ZFHX3: variants seen among roughly 807,000 people sequenced by gnomAD.
ZFHX3 encodes zinc finger homeobox protein 3.
ZFHX3 carries 42 observed loss-of-function variants against 279.1 expected under a neutral mutation model. The ratio of observed to expected loss-of-function variants is 0.15; its 90% confidence interval spans 0.12 to 0.19. ZFHX3 has a LOEUF of 0.19. ZFHX3 is among the 10% of genes least tolerant of loss of function. The probability of loss-of-function intolerance (pLI) is 1.00; values close to 1 mark genes in which losing one functional copy is unlikely to be tolerated. For synonymous variants in ZFHX3, 2,293 were observed against 1,957.8 expected, an observed-to-expected ratio of 1.17 and a Z score of -4.52; for missense variants, 4,981 against 4,754.0, an observed-to-expected ratio of 1.05 and a Z score of -1.40.
At chr16:73,150,945 G>A (rs1421735750) in intron 5 of ZFHX3, among the ~76,000 whole-genome samples, 2 of 152,010 alleles carry the variant, frequency 1.3e-5, no homozygotes, top group East Asian at 3.9e-4. Flanking sequence ...TGTTGAAACC[G>A]GCATCACTCA....
intron 1 of ZFHX3, among the ~76,000 whole-genome samples, chr16:73,858,386 C>T (rs943641345): frequency 1.3e-5 from 2 of 152,192 alleles, no homozygotes; most frequent in African/African-American, 2.4e-5. Context: ...GTCTTAGATG[C>T]TCTGATGACA....
At chr16:73,669,802 G>A (rs896645552) in intron 2 of ZFHX3, among the ~76,000 whole-genome samples, 7 of 152,118 alleles carry the variant, frequency 4.6e-5, no homozygotes, top group Non-Finnish European at 8.8e-5. Flanking sequence ...CAGCATTATT[G>A]GGAAATGTCC....
chr16:73,571,974 G>A (rs970313600), intron 2 of ZFHX3, among the ~76,000 whole-genome samples: 1 of 151,970 alleles, frequency 6.6e-6, no homozygotes, highest in Non-Finnish European at 1.5e-5. Context: ...TTACAAATAA[G>A]CAGCCCAGAA....
chr16:73,414,389 G>C (rs568766753), intron 3 of ZFHX3, among the ~76,000 whole-genome samples: 4 of 152,354 alleles, frequency 2.6e-5, no homozygotes, highest in Admixed American at 6.5e-5. Flanking sequence ...GTTTGTCCCT[G>C]TCTGTAAAGA....
intron 1 of ZFHX3, among the ~76,000 whole-genome samples, chr16:73,775,539 T>C (rs1959224238): frequency 6.6e-6 from 1 of 152,164 alleles, no homozygotes; most frequent in Admixed American, 6.5e-5. Context: ...TTTCCTTCAC[T>C]ACCTGGTTTG....
intron 3 of ZFHX3, among the ~76,000 whole-genome samples, chr16:72,927,922 G>A (rs530650173): frequency 6.6e-6 from 1 of 151,310 alleles, no homozygotes; most frequent in Admixed American, 6.6e-5. Context: ...ATCCACGGAA[G>A]GTGGGGAGGA....
At chr16:73,833,018 G>T (rs1239421051) in intron 1 of ZFHX3, among the ~76,000 whole-genome samples, 1 of 152,162 alleles carries the variant, frequency 6.6e-6, no homozygotes, top group Non-Finnish European at 1.5e-5. Flanking sequence ...AAGTCATCCT[G>T]CCCAAGACTT....
At chr16:73,858,413 C>T (rs1567432309) in intron 1 of ZFHX3, among the ~76,000 whole-genome samples, 2 of 152,266 alleles carry the variant, frequency 1.3e-5, no homozygotes, top group Middle Eastern at 3.4e-3. Context: ...GATTTCCATC[C>T]GTAACAATGG....
rs899412868 is a variant in ZFHX3, at chr16:73,607,384, C to T, written c.-1547+72796G>A. ...CCATGCTGTATATGTACTACATTTT[C>T]TTTATCCAGTCTATCATCACTGGGT... On this transcript the variant is annotated intron_variant, in intron 2 of 17. Transcript: ENST00000641206. Among the ~76,000 whole-genome samples, 4 of 152,288 alleles carry T rather than the reference C, an allele frequency of 2.6e-5. 1 individual carries two copies. The highest frequency in any genetic ancestry group is 2.6e-4 in the Admixed American group (4 of 15,296).
chr16:73,049,707 G>A (rs1194819755), upstream of ZFHX3, among the ~76,000 whole-genome samples: 2 of 152,144 alleles, frequency 1.3e-5, no homozygotes, highest in African/African-American at 2.4e-5. Flanking sequence ...GTGAGAGCAC[G>A]GGGGCCGGGT....
At chr16:73,483,726 A>G (rs1308607049) in intron 2 of ZFHX3, among the ~76,000 whole-genome samples, 1 of 152,110 alleles carries the variant, frequency 6.6e-6, no homozygotes, top group Non-Finnish European at 1.5e-5. Context: ...CAAAGGCTCG[A>G]CACAGTTTCG....
intron 2 of ZFHX3, among the ~76,000 whole-genome samples, chr16:73,632,425 G>T (rs1238045575): frequency 2.0e-5 from 3 of 152,166 alleles, no homozygotes; most frequent in Admixed American, 6.5e-5. Context: ...GCTCACGCCT[G>T]TAATCCCAGC....
At chr16:72,809,726 C>A (rs1466075553) in intron 7 of ZFHX3, 1 of 152,148 alleles carries the variant, frequency 6.6e-6, no homozygotes, top group East Asian at 1.9e-4. Flanking sequence ...GTGACCTGCA[C>A]ATTATAACGT....
intron 3 of ZFHX3, among the ~76,000 whole-genome samples, chr16:73,338,125 A>G (rs1230234205): frequency 6.6e-6 from 1 of 152,194 alleles, no homozygotes; most frequent in Non-Finnish European, 1.5e-5. Flanking sequence ...GATGAGCATC[A>G]GAACGTGCTG....
intron 1 of ZFHX3, among the ~76,000 whole-genome samples, chr16:73,680,945 T>C (rs367739479): frequency 1.3e-5 from 2 of 152,158 alleles, no homozygotes; most frequent in Non-Finnish European, 2.9e-5. Flanking sequence ...AAAGATACTA[T>C]ATGCAAAGCC....
intron 1 of ZFHX3, among the ~76,000 whole-genome samples, chr16:73,803,175 A>C (rs1055785107): frequency 6.6e-6 from 1 of 152,252 alleles, no homozygotes; most frequent in Admixed American, 6.5e-5. Context: ...AAACAGGCAA[A>C]GATACGAGTA....
rs75786527 is a variant in ZFHX3 at position 73,403,411 on chromosome 16, G to A, written c.-1291+52592C>T. On this transcript the variant is annotated intron_variant, in intron 3 of 17. Transcript: ENST00000641206. Reference sequence around the variant, plus strand: ...ATGCATCAACATTAGCCCGCTTTGCGGTATGCAATTGTGCATCTGCACGGG... The same window carrying A: ...ATGCATCAACATTAGCCCGCTTTGCAGTATGCAATTGTGCATCTGCACGGG... Among the ~76,000 whole-genome samples the A allele has an allele frequency of 7.9e-3, 1,197 of 152,278 alleles. 18 individuals carry two copies. The highest frequency in any genetic ancestry group is 0.027 in the African/African-American group (1,101 of 41,544).
At chr16:73,520,793 A>G (rs1160205264) in intron 2 of ZFHX3, among the ~76,000 whole-genome samples, 1 of 152,272 alleles carries the variant, frequency 6.6e-6, no homozygotes, top group Non-Finnish European at 1.5e-5. Context: ...GGAAAAATAA[A>G]AGATGATTAT....
chr16:73,404,115 C>A (rs2017311852), intron 3 of ZFHX3, among the ~76,000 whole-genome samples: 2 of 152,160 alleles, frequency 1.3e-5, no homozygotes, highest in Non-Finnish European at 2.9e-5. Flanking sequence ...AAGTGCTCTG[C>A]CTGTCTGGGT....
Sources: gnomAD v4.1 joint callset for allele counts (sites outside exome capture counted in the v4.1 genomes callset) on GRCh38, gnomAD v4.1.1 for gene constraint, MANE v1.5 for transcripts, NCBI Gene and HGNC (gene_info 2026-07-23, HGNC 2026-07-21) for gene names.